The following PCDHGA6 variants were observed in gnomAD, a reference collection of about 807,000 sequenced individuals.
PCDHGA6 encodes the protein protocadherin gamma subfamily A, 6.
A neutral mutation model predicts 60.6 loss-of-function variants in PCDHGA6; 41 were observed. That is an observed-to-expected ratio of 0.68 (90% CI 0.53 to 0.88). The LOEUF (loss-of-function observed/expected upper bound fraction) is 0.88, where lower values mean the gene tolerates loss of function less well. PCDHGA6 is among the 40% of genes least tolerant of loss of function. The pLI, the probability that PCDHGA6 is intolerant of heterozygous loss-of-function variation, is 0.00. For synonymous variants in PCDHGA6, 594 were observed against 524.4 expected, an observed-to-expected ratio of 1.13 and a Z score of -1.81; for missense variants, 1,312 against 1,203.0, an observed-to-expected ratio of 1.09 and a Z score of -1.34.
chr5:141,374,491 A>G lies in PCDHGA6; in HGVS notation c.408A>G (p.Glu136=), dbSNP rs749520440. 6.2e-7 allele frequency: 1 copy of G among 1,611,464 alleles called. No individual in the cohort carries two copies. The highest frequency in any genetic ancestry group is 8.5e-7 in the Non-Finnish European group (1 of 1,177,736). ...ACAATACACCCCGATTCTTAAAGGA[A>G]GAATTGGAAGTGAAAATTCTCGAAA... The part of the protein sequence containing the change: ...INDNTPRFLK[E]ELEVKILENA... The change falls in exon 1 of 4, where the codon GAA becomes GAG. Residue 136 remains glutamate, a synonymous_variant. Coordinates refer to ENST00000517434, the MANE Select transcript of PCDHGA6 (RefSeq NM_018919.3).
At chr5:141,414,186 G>C in intron 1 of PCDHGA6, 1 of 1,609,824 alleles carries the variant, frequency 6.2e-7, no homozygotes, top group Non-Finnish European at 8.5e-7. Context: ...CTGCAAAAGT[G>C]TTGATTACAG....
intron 1 of PCDHGA6, among the ~76,000 whole-genome samples, chr5:141,446,149 G>T (rs2098490670): frequency 6.6e-6 from 1 of 152,178 alleles, no homozygotes; most frequent in Non-Finnish European, 1.5e-5. Context: ...GGAATAGGTG[G>T]AATATAAATT....
Position 141,375,635 on chromosome 5 carries a change from C to A in PCDHGA6, c.1552C>A (p.Arg518Ser), listed in dbSNP as rs776372663. Residue 518 changes from arginine to serine, a missense_variant, in exon 1 of 4, where the codon CGC becomes AGC. Coordinates refer to ENST00000517434, the MANE Select transcript of PCDHGA6 (RefSeq NM_018919.3). ...NSDTGILYAL[R>S]SFDYEQLRDL... ...CGACACTGGGATTCTGTACGCCCTG[C>A]GCTCCTTCGACTATGAGCAGTTGAG... The A allele has an allele frequency of 2.4e-5, 38 of 1,614,094 alleles. No individual in the cohort carries two copies. Among genetic ancestry groups the A allele is most frequent in the Non-Finnish European group, 3.1e-5 (37 of 1,180,048 alleles).
chr5:141,440,103 A>G (rs1391819927), intron 1 of PCDHGA6: 1 of 152,222 alleles, frequency 6.6e-6, no homozygotes, highest in Non-Finnish European at 1.5e-5. Flanking sequence ...GAAAGTGGAG[A>G]CTTACTTGTG....
chr5:141,402,197 A>G (rs1346156119), intron 1 of PCDHGA6, among the ~76,000 whole-genome samples: 5 of 152,132 alleles, frequency 3.3e-5, no homozygotes, highest in Non-Finnish European at 5.9e-5. Context: ...TATTACTTTT[A>G]TAATACAAAA....
chr5:141,390,539 A>T (rs774441899), intron 1 of PCDHGA6: 22 of 514,666 alleles, frequency 4.3e-5, no homozygotes, highest in Non-Finnish European at 6.5e-5. Flanking sequence ...TTTTAACCAC[A>T]AAGTGAAAGT....
At chr5:141,501,326 CACACA>C (rs2099807944) in intron 2 of PCDHGA6, among the ~76,000 whole-genome samples, 1 of 151,784 alleles carries the variant, frequency 6.6e-6, no homozygotes, top group Non-Finnish European at 1.5e-5. Flanking sequence ...CACACACACA[CACACA>C]CACCCCAAAC....
Position 141,432,126 on chromosome 5 carries a change from C to A in PCDHGA6, c.2424+55619C>A. 6.2e-7 allele frequency: 1 copy of A among 1,614,144 alleles called. No homozygotes were observed. Among genetic ancestry groups the A allele is most frequent in the South Asian group, 1.1e-5 (1 of 91,058 alleles). ...AACCCGCCGGTCTTCCCTCAGGCCT[C>A]CTATTCCGCTTATATCCCAGAGAAC... On this transcript the variant is annotated intron_variant, in intron 1 of 3. Transcript: ENST00000517434. The surrounding 1 kb of genome is among the most constrained non-coding windows in gnomAD (Gnocchi z 6.0).
chr5:141,452,172 T>G (rs1338447268), intron 1 of PCDHGA6, among the ~76,000 whole-genome samples: 1 of 152,206 alleles, frequency 6.6e-6, no homozygotes, highest in Non-Finnish European at 1.5e-5. Flanking sequence ...TTACTAACAT[T>G]TTTTATTTTG....
At chr5:141,394,373 C>T in intron 1 of PCDHGA6, 12 of 1,614,206 alleles carry the variant, frequency 7.4e-6, no homozygotes, top group Non-Finnish European at 1.0e-5. Context: ...TGCAATCTTT[C>T]GACTATGAGC....
chr5:141,444,561 GA>G (rs778707459), intron 1 of PCDHGA6, among the ~76,000 whole-genome samples: 17 of 152,098 alleles, frequency 1.1e-4, no homozygotes, highest in Non-Finnish European at 2.1e-4. Context: ...GCACTTATTT[GA>G]CACTTTTGAC....
chr5:141,431,416 C>G lies in PCDHGA6; in HGVS notation c.2424+54909C>G, dbSNP rs778722151. 3 of 1,613,596 alleles carry G rather than the reference C, an allele frequency of 1.9e-6. No homozygotes were observed. The highest frequency in any genetic ancestry group is 2.7e-5 in the African/African-American group (2 of 74,954). On this transcript the variant is annotated intron_variant, in intron 1 of 3. Coordinates refer to ENST00000517434, the MANE Select transcript of PCDHGA6 (RefSeq NM_018919.3). The surrounding 1 kb of genome is among the most constrained non-coding windows in gnomAD (Gnocchi z 4.8). ...TCCTTACGGCCTCCGACGGGGGCGA[C>G]CCGGTGCGCACAGGCACCGCGCGCA...
At chr5:141,484,359 T>A (rs1218120598) in intron 1 of PCDHGA6, among the ~76,000 whole-genome samples, 1 of 152,222 alleles carries the variant, frequency 6.6e-6, no homozygotes, top group Non-Finnish European at 1.5e-5. Context: ...GTGTATCTAG[T>A]GTATCACTAG....
At chr5:141,392,505 T>G (rs1271878225) in intron 1 of PCDHGA6, 1 of 227,850 alleles carries the variant, frequency 4.4e-6, no homozygotes, top group African/African-American at 2.3e-5. Flanking sequence ...ATGATTTTTT[T>G]TTCTCAGTAA....
At chr5:141,423,248 C>A in intron 1 of PCDHGA6, 1 of 1,613,888 alleles carries the variant, frequency 6.2e-7, no homozygotes, top group Non-Finnish European at 8.5e-7. Context: ...GAAGTCCTGG[C>A]GGACCTCGGC....
chr5:141,405,185 G>C (rs777099869), intron 1 of PCDHGA6: 4 of 1,613,066 alleles, frequency 2.5e-6, no homozygotes, highest in Non-Finnish European at 3.4e-6. Context: ...GGGTGTAGAT[G>C]GGGTTCGAGC....
Position 141,486,177 on chromosome 5 carries a change from G to A in PCDHGA6, c.2425-8630G>A. The A allele has an allele frequency of 6.2e-7, 1 of 1,614,222 alleles. No individual in the cohort carries two copies. Among genetic ancestry groups the A allele is most frequent in the Non-Finnish European group, 8.5e-7 (1 of 1,180,042 alleles). ...TCTCCAGCCATGGAGCAACATTGCA[G>A]CCTTCGAGTGGATCTGCTGGACGTA... On this transcript the variant is annotated intron_variant, in intron 1 of 3. Coordinates refer to ENST00000517434, the MANE Select transcript of PCDHGA6 (RefSeq NM_018919.3). The surrounding 1 kb of genome is among the most constrained non-coding windows in gnomAD (Gnocchi z 5.0).
chr5:141,492,503 A>G (rs1341352458), intron 1 of PCDHGA6, among the ~76,000 whole-genome samples: 1 of 151,188 alleles, frequency 6.6e-6, no homozygotes, highest in Non-Finnish European at 1.5e-5. Context: ...AGGACTCCGG[A>G]GCCTCCTCTC....
At position 141,487,937 on chromosome 5, in the gene PCDHGA6, T is replaced by G; in HGVS notation, c.2425-6870T>G. 2 of 603,606 alleles carry G rather than the reference T, an allele frequency of 3.3e-6. No homozygotes were observed. The highest frequency in any genetic ancestry group is 2.9e-6 in the Non-Finnish European group (1 of 345,124). 37.4% of individuals were successfully genotyped at this position (603,606 alleles called of 1,614,324 possible). ...GGAGGCTACAGTGCACAGGGTACAG[T>G]GCACCAGGCAGTCACTTGGACAAAG... On this transcript the variant is annotated intron_variant, in intron 1 of 3. Transcript: ENST00000517434. The surrounding 1 kb of genome is among the most constrained non-coding windows in gnomAD (Gnocchi z 5.0).
Sources: gnomAD v4.1 joint callset for allele counts (sites outside exome capture counted in the v4.1 genomes callset) on GRCh38, gnomAD v4.1.1 for gene constraint, Gnocchi (gnomAD v3.1) non-coding constraint, MANE v1.5 for transcripts, NCBI Gene and HGNC (gene_info 2026-07-23, HGNC 2026-07-21) for gene names.